The following PDE1A variants were observed in gnomAD, a reference collection of about 807,000 sequenced individuals.
The protein encoded by PDE1A is phosphodiesterase 1A.
PDE1A carries 35 observed loss-of-function variants against 61.7 expected under a neutral mutation model. That is an observed-to-expected ratio of 0.57 (90% CI 0.43 to 0.75). The LOEUF (loss-of-function observed/expected upper bound fraction) is 0.75, where lower values mean the gene tolerates loss of function less well. Among genes scored for constraint, PDE1A ranks in the 30% least tolerant of loss-of-function variants. The pLI is 0.00. For synonymous variants in PDE1A, 232 were observed against 213.2 expected (o/e 1.09, Z -0.77); for missense variants, 597 against 630.6 (o/e 0.95, Z 0.57).
chr2:182,364,489 A>AC (rs1559379229), intron 1 of PDE1A, among the ~76,000 whole-genome samples: 2 of 145,500 alleles, frequency 1.4e-5, no homozygotes, highest in African/African-American at 5.1e-5. Context: ...AAAAAAAAAA[A>AC]AAAAAAAAAA....
intron 1 of PDE1A, among the ~76,000 whole-genome samples, chr2:182,277,970 A>G (rs944164195): frequency 6.6e-6 from 1 of 152,024 alleles, no homozygotes; most frequent in Non-Finnish European, 1.5e-5. Flanking sequence ...ACCATCCTCC[A>G]CTACAGTGTA....
At chr2:182,222,180 T>C (rs950659994) in intron 7 of PDE1A, among the ~76,000 whole-genome samples, 1 of 151,982 alleles carries the variant, frequency 6.6e-6, no homozygotes, top group Non-Finnish European at 1.5e-5. Context: ...AAACAAACTA[T>C]GGTATGTCCA....
chr2:182,379,816 C>A (rs368757564), intron 1 of PDE1A, among the ~76,000 whole-genome samples: 6 of 152,116 alleles, frequency 3.9e-5, no homozygotes, highest in East Asian at 1.9e-4. Flanking sequence ...GGATGAAGAT[C>A]TTTTCTATTG....
the PDE1A span, among the ~76,000 whole-genome samples, chr2:182,550,271 T>C: frequency 6.6e-6 from 1 of 152,238 alleles, no homozygotes; most frequent in Non-Finnish European, 1.5e-5. Context: ...TTAAATACCA[T>C]GAAATAAATA....
Position 182,392,844 on chromosome 2 carries a change from AGGGGT to A in PDE1A, c.53+33729_53+33733del, listed in dbSNP as rs1381916683. 4.6e-5 allele frequency among the ~76,000 whole-genome samples: 7 copies of A among 152,380 alleles called. No individual in the cohort carries two copies. In the East Asian group the frequency reaches 1.4e-3, roughly 29 times the overall value. On this transcript the variant is annotated intron_variant, in intron 1 of 13. Coordinates refer to ENST00000351439, the Ensembl canonical transcript of PDE1A. Reference sequence around the variant, plus strand: ...TCTCAATCCAGCTCACGCTGATGCAAGGGGTGGGTTCCCATGGTCTTGGGCATCTC... The same window carrying A: ...TCTCAATCCAGCTCACGCTGATGCAAGGGTTCCCATGGTCTTGGGCATCTC...
chr2:182,557,576 G>A, the PDE1A span, among the ~76,000 whole-genome samples: 4 of 152,038 alleles, frequency 2.6e-5, no homozygotes. Context: ...GCCAGGTATG[G>A]TGTCATGCAC....
At chr2:182,405,251 T>A (rs2125478812) in intron 1 of PDE1A, among the ~76,000 whole-genome samples, 1 of 152,322 alleles carries the variant, frequency 6.6e-6, no homozygotes, top group East Asian at 1.9e-4. Flanking sequence ...ACATGAGGAA[T>A]ACAAAGGAAA....
chr2:182,413,011 A>G (rs193184914), intron 1 of PDE1A, among the ~76,000 whole-genome samples: 4 of 152,304 alleles, frequency 2.6e-5, no homozygotes, highest in Admixed American at 2.6e-4. Context: ...GAGGACAGAG[A>G]CCAGTTCAGA....
intron 1 of PDE1A, among the ~76,000 whole-genome samples, chr2:182,327,502 T>C (rs774166142): frequency 6.6e-6 from 1 of 152,052 alleles, no homozygotes; most frequent in Non-Finnish European, 1.5e-5. Flanking sequence ...GGTAAGGAGA[T>C]GAGGAAAAAT....
chr2:182,570,559 C>T, the PDE1A span, among the ~76,000 whole-genome samples: 8 of 152,032 alleles, frequency 5.3e-5, no homozygotes, highest in African/African-American at 4.8e-5. Flanking sequence ...TCAAATACAG[C>T]GACAAATCTA....
At chr2:182,413,717 A>G (rs1056312088) in intron 1 of PDE1A, among the ~76,000 whole-genome samples, 1 of 152,204 alleles carries the variant, frequency 6.6e-6, no homozygotes, top group East Asian at 1.9e-4. Context: ...AGGAAACACT[A>G]AATATCATAT....
chr2:182,302,276 G>T (rs559333350), intron 1 of PDE1A, among the ~76,000 whole-genome samples: 2 of 152,244 alleles, frequency 1.3e-5, no homozygotes, highest in South Asian at 4.1e-4. Context: ...GATTGCAATA[G>T]AAATAATACC....
At chr2:182,343,888 T>G (rs1215839386) in intron 1 of PDE1A, among the ~76,000 whole-genome samples, 3 of 96,290 alleles carry the variant, frequency 3.1e-5, no homozygotes, top group African/African-American at 1.2e-4. Flanking sequence ...TTTTTTTTTG[T>G]TGAGGCAGAG....
At chr2:182,386,716 C>T (rs548788672) in intron 1 of PDE1A, among the ~76,000 whole-genome samples, 3 of 151,454 alleles carry the variant, frequency 2.0e-5, no homozygotes, top group African/African-American at 7.3e-5. Context: ...AAGTGAGGAG[C>T]GTCTCCGCCC....
chr2:182,326,098 A>G (rs966843763), intron 1 of PDE1A, among the ~76,000 whole-genome samples: 1 of 151,858 alleles, frequency 6.6e-6, no homozygotes. Context: ...GTTCACACCA[A>G]TTAGGATGAC....
the PDE1A span, among the ~76,000 whole-genome samples, chr2:182,594,501 C>T: frequency 6.6e-6 from 1 of 152,188 alleles, no homozygotes; most frequent in Non-Finnish European, 1.5e-5. Flanking sequence ...CTCTAAGTTG[C>T]AAACTAAAGC....
intron 13 of PDE1A, among the ~76,000 whole-genome samples, chr2:182,182,492 T>C (rs1418589425): frequency 6.6e-6 from 1 of 152,174 alleles, no homozygotes; most frequent in African/African-American, 2.4e-5. Flanking sequence ...CCTTCTGATC[T>C]CCTTGTTTCT....
chr2:182,586,232 T>C, the PDE1A span, among the ~76,000 whole-genome samples: 1 of 152,168 alleles, frequency 6.6e-6, no homozygotes, highest in Non-Finnish European at 1.5e-5. Flanking sequence ...TTATGGACAT[T>C]AAGGAGAAGT....
At chr2:182,667,491 T>C in the PDE1A span, among the ~76,000 whole-genome samples, 2 of 152,296 alleles carry the variant, frequency 1.3e-5, no homozygotes, top group African/African-American at 4.8e-5. Flanking sequence ...GGTGTTCCCC[T>C]CACTAATGTG....
Sources: gnomAD v4.1 joint callset for allele counts (sites outside exome capture counted in the v4.1 genomes callset) on GRCh38, gnomAD v4.1.1 for gene constraint, MANE v1.5 for transcripts, NCBI Gene and HGNC (gene_info 2026-07-23, HGNC 2026-07-21) for gene names.